SYNJ1: variants seen among roughly 807,000 people sequenced by gnomAD.
The protein encoded by SYNJ1 is synaptojanin 1, also known as polyphosphatidylinositol phosphatase SYNJ1.
In SYNJ1, 78 loss-of-function variants were observed where a neutral mutation model predicts 168.2. That is an observed-to-expected ratio of 0.46 (90% CI 0.39 to 0.56). SYNJ1 has a LOEUF of 0.56. SYNJ1 is among the 20% of genes least tolerant of loss of function. The pLI is 0.00. For missense variants in SYNJ1, 1,303 were observed against 1,597.6 expected (o/e 0.82, Z 3.14); for synonymous variants, 539 against 548.6 (o/e 0.98, Z 0.24).
chr21:32,642,646 T>C (rs1345646975), intron 27 of SYNJ1, among the ~76,000 whole-genome samples: 2 of 152,234 alleles, frequency 1.3e-5, no homozygotes, highest in Non-Finnish European at 2.9e-5. Context: ...TTCGGATTTC[T>C]ATAACAAAAT....
intron 2 of SYNJ1, among the ~76,000 whole-genome samples, 161 bp from the exon 3 acceptor site, chr21:32,702,208 A>T (rs2042430044): frequency 6.6e-6 from 1 of 152,218 alleles, no homozygotes; most frequent in South Asian, 2.1e-4. Context: ...TATTCTTCCC[A>T]AAGAGTTAAT....
chr21:32,660,581 C>T (rs1476141190), intron 18 of SYNJ1, among the ~76,000 whole-genome samples: 1 of 152,246 alleles, frequency 6.6e-6, no homozygotes, highest in Non-Finnish European at 1.5e-5. Context: ...TTCATCAATC[C>T]ACATGGAGAA....
chr21:32,650,014 T>G (rs907117532), intron 23 of SYNJ1, among the ~76,000 whole-genome samples, 170 bp downstream of exon 23: 1 of 152,134 alleles, frequency 6.6e-6, no homozygotes, highest in African/African-American at 2.4e-5. Context: ...CCTCCCAAAG[T>G]GCTGTGATTG....
intron 12 of SYNJ1, among the ~76,000 whole-genome samples, chr21:32,676,794 CTA>C (rs1320168289): frequency 2.0e-5 from 3 of 152,140 alleles, no homozygotes; most frequent in Non-Finnish European, 4.4e-5. Flanking sequence ...ATCACTTCAG[CTA>C]TAACAAGAAA....
At chr21:32,639,183 C>T (rs1271169539) in intron 30 of SYNJ1, 58 bp from the exon 31 acceptor site, 1 of 1,481,138 alleles carries the variant, frequency 6.8e-7, no homozygotes, top group Non-Finnish European at 9.1e-7. Flanking sequence ...TGTTTTTTTC[C>T]TTCTTTAGTG....
At chr21:32,716,362 T>C (rs1454452887) in intron 2 of SYNJ1, among the ~76,000 whole-genome samples, 1 of 152,362 alleles carries the variant, frequency 6.6e-6, no homozygotes, top group Admixed American at 6.5e-5. Context: ...AATTAGCTCA[T>C]ATTTTTTCAA....
At chr21:32,644,026 T>C (rs1033761091) in intron 26 of SYNJ1, among the ~76,000 whole-genome samples, 2 of 152,382 alleles carry the variant, frequency 1.3e-5, no homozygotes, top group South Asian at 4.1e-4. Flanking sequence ...TCCACTGGCT[T>C]GCCTAACTTT....
chr21:32,654,905 A>C (rs1446896888), intron 21 of SYNJ1, among the ~76,000 whole-genome samples: 1 of 152,214 alleles, frequency 6.6e-6, no homozygotes, highest in Non-Finnish European at 1.5e-5. Context: ...ACTAAAAGGT[A>C]ATAATCAGTT....
intron 29 of SYNJ1, 107 bp downstream of exon 29, chr21:32,641,789 A>T (rs2039847855): frequency 1.4e-6 from 1 of 697,742 alleles, no homozygotes; most frequent in Admixed American, 3.3e-5. Flanking sequence ...AGATGAGGAA[A>T]TTGAGGCCTT....
chr21:32,722,289 G>A (rs2043274364), intron 2 of SYNJ1, among the ~76,000 whole-genome samples: 1 of 150,048 alleles, frequency 6.7e-6, no homozygotes, highest in Non-Finnish European at 1.5e-5. Flanking sequence ...GGTGGCTCAC[G>A]CCTATAATCC....
At chr21:32,663,729 C>T (rs1434257091) in intron 18 of SYNJ1, among the ~76,000 whole-genome samples, 2 of 152,146 alleles carry the variant, frequency 1.3e-5, no homozygotes, top group African/African-American at 4.8e-5. Flanking sequence ...GATACTGGAC[C>T]CCCATTTACA....
intron 6 of SYNJ1, among the ~76,000 whole-genome samples, chr21:32,688,795 G>C (rs1256200289): frequency 6.6e-6 from 1 of 152,092 alleles, no homozygotes; most frequent in Non-Finnish European, 1.5e-5. Flanking sequence ...TTCCAAAAGA[G>C]ATTCAGATGA....
At chr21:32,711,883 G>A (rs1346852776) in intron 2 of SYNJ1, among the ~76,000 whole-genome samples, 1 of 152,114 alleles carries the variant, frequency 6.6e-6, no homozygotes, top group Non-Finnish European at 1.5e-5. Context: ...CATCTGAACA[G>A]AAAAGAAACA....
At chr21:32,715,446 C>T (rs2042988552) in intron 2 of SYNJ1, among the ~76,000 whole-genome samples, 1 of 151,686 alleles carries the variant, frequency 6.6e-6, no homozygotes, top group South Asian at 2.1e-4. Flanking sequence ...TGCACTCCAG[C>T]CTGGGCAACA....
At chr21:32,713,703 C>T (rs1438599595) in intron 2 of SYNJ1, among the ~76,000 whole-genome samples, 1 of 150,034 alleles carries the variant, frequency 6.7e-6, no homozygotes, top group Non-Finnish European at 1.5e-5. Context: ...GATGATTTCC[C>T]ATATATCAAC....
chr21:32,706,577 C>T (rs545388177), intron 2 of SYNJ1, among the ~76,000 whole-genome samples: 100 of 151,398 alleles, frequency 6.6e-4, no homozygotes, highest in African/African-American at 2.3e-3. Context: ...TAAATTGCTG[C>T]AAAATTAAAA....
intron 22 of SYNJ1, among the ~76,000 whole-genome samples, chr21:32,652,777 T>A (rs895862163): frequency 4.6e-5 from 7 of 152,342 alleles, no homozygotes; most frequent in South Asian, 4.1e-4. Context: ...TAGGAATATC[T>A]CCATTTGTTA....
At chr21:32,688,882 A>G (rs910566483) in intron 6 of SYNJ1, among the ~76,000 whole-genome samples, 1 of 152,146 alleles carries the variant, frequency 6.6e-6, no homozygotes, top group Non-Finnish European at 1.5e-5. Flanking sequence ...TTTCTTCTCT[A>G]CTATGTTGAA....
At chr21:32,649,852 C>T (rs756472574) in intron 23 of SYNJ1, among the ~76,000 whole-genome samples, 3 of 152,228 alleles carry the variant, frequency 2.0e-5, no homozygotes, top group Non-Finnish European at 2.9e-5. Flanking sequence ...TGGGTTCATG[C>T]GATTCTCCTG....
Sources: gnomAD v4.1 joint callset for allele counts (sites outside exome capture counted in the v4.1 genomes callset) on GRCh38, gnomAD v4.1.1 for gene constraint, MANE v1.5 for transcripts, NCBI Gene and HGNC (gene_info 2026-07-23, HGNC 2026-07-21) for gene names.